Variants in TMTC3 observed in about 807,000 individuals in gnomAD.
TMTC3 encodes the protein transmembrane O-mannosyltransferase targeting cadherins 3, also known as protein O-mannosyl-transferase TMTC3.
Under a neutral mutation model 92.2 loss-of-function variants are expected in TMTC3, and 52 were observed. The ratio of observed to expected loss-of-function variants is 0.56; its 90% CI spans 0.45 to 0.71. TMTC3 has a LOEUF of 0.71. Among genes scored for constraint, TMTC3 ranks in the 30% least tolerant of loss-of-function variants. TMTC3 has a pLI of 0.00. For missense variants in TMTC3, 896 were observed against 1,057.1 expected (o/e 0.85, Z 2.11); for synonymous variants, 339 against 363.3 (o/e 0.93, Z 0.76).
At chr12:88,145,764 G>GCTC (rs1275350070) in intron 1 of TMTC3, among the ~76,000 whole-genome samples, 1 of 152,314 alleles carries the variant, frequency 6.6e-6, no homozygotes, top group Admixed American at 6.5e-5. Context: ...TCCTAAAGTA[G>GCTC]CTACCTGTGG....
intron 4 of TMTC3, among the ~76,000 whole-genome samples, 184 bp from the exon 5 acceptor site, chr12:88,159,930 T>G (rs1243033328): frequency 6.6e-6 from 1 of 152,116 alleles, no homozygotes; most frequent in East Asian, 1.9e-4. Context: ...ATTATACATG[T>G]TGATATTTTG....
chr12:88,152,656 C>G (rs1401144734), intron 2 of TMTC3, among the ~76,000 whole-genome samples: 1 of 152,136 alleles, frequency 6.6e-6, no homozygotes, highest in Admixed American at 6.5e-5. Context: ...CAGTACTTTA[C>G]ATGAAATTTT....
chr12:88,163,866 C>T (rs1224279010), intron 6 of TMTC3, among the ~76,000 whole-genome samples: 1 of 152,100 alleles, frequency 6.6e-6, no homozygotes, highest in Non-Finnish European at 1.5e-5. Flanking sequence ...ACTACACCGA[C>T]CATGGGTATT....
intron 1 of TMTC3, 44 bp from the exon 2 acceptor site, chr12:88,148,244 G>T: frequency 7.6e-7 from 1 of 1,310,528 alleles, no homozygotes; most frequent in East Asian, 2.3e-5. Flanking sequence ...AACTTACTTG[G>T]AATAAATATG....
rs560324132 is a variant in TMTC3 at position 88,160,211 on chromosome 12, A to G, written c.606A>G (p.Glu202=). 2.5e-5 allele frequency: 39 copies of G among 1,567,300 alleles called. No individual in the cohort carries two copies. In the South Asian group the frequency reaches 4.4e-4, roughly 18 times the overall value. ...ITVVGICCVY[E]VFIAQGYTLP... Reference sequence around the variant, plus strand: ...TTGTAGGAATTTGCTGTGTGTATGAAGTGTTTATTGCCCAGGGGGTAAGCC... The same window carrying G: ...TTGTAGGAATTTGCTGTGTGTATGAGGTGTTTATTGCCCAGGGGGTAAGCC... Residue 202 remains glutamate, a synonymous_variant, in exon 5 of 14, where the codon GAA becomes GAG. Transcript: ENST00000266712.
intron 6 of TMTC3, among the ~76,000 whole-genome samples, chr12:88,162,445 G>A (rs2041091153): frequency 1.3e-5 from 2 of 152,178 alleles, no homozygotes; most frequent in South Asian, 4.1e-4. Flanking sequence ...GTATATTTAA[G>A]TTTCTTGAAG....
At chr12:88,172,508 C>G (rs2138406595) in intron 7 of TMTC3, 89 bp from the exon 8 acceptor site, 1 of 676,176 alleles carries the variant, frequency 1.5e-6, no homozygotes, top group South Asian at 7.4e-5. Context: ...TATTTGGATT[C>G]AAGTATCAGA....
At position 88,195,602 on chromosome 12, in the gene TMTC3, G is replaced by A; in HGVS notation, c.2698G>A (p.Ala900Thr). The A allele has an allele frequency of 1.2e-6, 2 of 1,602,138 alleles. No homozygotes were observed. The highest frequency in any genetic ancestry group is 1.7e-6 in the Non-Finnish European group (2 of 1,176,984). Residue 900 changes from alanine (A) to threonine (T), a missense_variant, in exon 14 of 14, where the codon GCT (alanine) becomes ACT (threonine). Transcript: ENST00000266712. ...AGAAATTGAGAAGAAAAGAGTTGCT[G>A]CTTTAAAAAGACTAGAAGAGATTGA... ...IKEIEKKRVA[A>T]LKRLEEIERI...
rs1377974817 is a variant in TMTC3, at chr12:88,153,537, TTC to T, written c.408+30_408+31del. On this transcript the variant is annotated intron_variant, in intron 3 of 13. Transcript: ENST00000266712. ...AAGTAAAACTATGAACTGACTTTTT[TTC>T]TTTTTCCTTTTTTACAAATCCTGCA... The T allele has an allele frequency of 2.9e-6, 4 of 1,401,824 alleles. No homozygotes were observed. The East Asian group carries it at 9.2e-5, about 32-fold the overall frequency. 86.8% of individuals were successfully genotyped at this position (1,401,824 alleles called of 1,614,324 possible). A position where few individuals can be genotyped will look rare whatever the true frequency, so the allele number is the denominator to read the frequency against.
intron 2 of TMTC3, among the ~76,000 whole-genome samples, chr12:88,149,144 C>CCTAT (rs1189114301): frequency 2.0e-5 from 3 of 152,032 alleles, no homozygotes; most frequent in Admixed American, 1.3e-4. Flanking sequence ...GAATCTTTGT[C>CCTAT]CTATCTCTTA....
rs1451541016 is a variant in TMTC3, at chr12:88,192,791, C to G, written c.1894C>G (p.Leu632Val). 14 of 1,613,034 alleles carry G rather than the reference C, an allele frequency of 8.7e-6. No homozygotes were observed. Among genetic ancestry groups the G allele is most frequent in the Non-Finnish European group, 1.2e-5 (14 of 1,179,594 alleles). The change falls in exon 13 of 14, where the codon CTA (leucine) becomes GTA (valine). Residue 632 changes from leucine (L) to valine (V), a missense_variant. Transcript: ENST00000266712. ...RALELNPKHKLALFNSAIVMQ... is the reference protein window; with the variant it reads ...RALELNPKHKVALFNSAIVMQ... Reference sequence around the variant, plus strand: ...TCTGGAACTAAATCCAAAGCATAAACTAGCATTATTCAACTCTGCTATAGT... The same window carrying G: ...TCTGGAACTAAATCCAAAGCATAAAGTAGCATTATTCAACTCTGCTATAGT...
chr12:88,188,122 T>C (rs2041399571), intron 10 of TMTC3, among the ~76,000 whole-genome samples: 1 of 152,204 alleles, frequency 6.6e-6, no homozygotes, highest in Non-Finnish European at 1.5e-5. Flanking sequence ...AATTATCATT[T>C]AAAAGAGCTG....
intron 10 of TMTC3, among the ~76,000 whole-genome samples, chr12:88,188,329 T>G (rs1181968074): frequency 6.6e-6 from 1 of 152,108 alleles, no homozygotes; most frequent in Non-Finnish European, 1.5e-5. Context: ...ACTTGTAGAG[T>G]TGAGCTGTAC....
chr12:88,175,174 G>C (rs980854457), intron 9 of TMTC3, among the ~76,000 whole-genome samples: 1 of 149,458 alleles, frequency 6.7e-6, no homozygotes, highest in Admixed American at 6.6e-5. Flanking sequence ...AAAATGTACA[G>C]CGAAAAAAAA....
At position 88,170,731 on chromosome 12, in the gene TMTC3, T is replaced by C. The variant is rs529044702; in HGVS notation, c.1051-1866T>C. ...TGAAGCTAAAGGTTTAACTTGTTTA[T>C]TCAATTAAGTACTGTAAAACAAATC... On this transcript the variant is annotated intron_variant, in intron 7 of 13. Coordinates refer to ENST00000266712, the MANE Select transcript of TMTC3 (RefSeq NM_181783.4). 2.0e-5 allele frequency among the ~76,000 whole-genome samples: 3 copies of C among 152,348 alleles called. No individual in the cohort carries two copies. In the East Asian group the frequency reaches 5.8e-4, roughly 29 times the overall value.
At chr12:88,150,249 G>A (rs906749395) in intron 2 of TMTC3, among the ~76,000 whole-genome samples, 5 of 152,156 alleles carry the variant, frequency 3.3e-5, no homozygotes, top group African/African-American at 9.7e-5. Context: ...AGAGGAGTAC[G>A]GTGGGAGGTG....
chr12:88,194,843 G>A lies in TMTC3; in HGVS notation c.1939G>A (p.Val647Ile). The A allele has an allele frequency of 1.3e-6, 2 of 1,568,472 alleles. No individual in the cohort carries two copies. Among genetic ancestry groups the A allele is most frequent in the Non-Finnish European group, 8.6e-7 (1 of 1,161,138 alleles). ...SAIVMQESGE[V>I]KLRPEARKRL... is the part of the protein sequence containing the mutation. ...TCTTTAAAAAAACTTTCTAGGTGAG[G>A]TTAAACTCAGACCTGAAGCTAGAAA... The change falls in exon 14 of 14, where the codon GTT (valine) becomes ATT (isoleucine). Residue 647 changes from valine (V) to isoleucine (I), a missense_variant. By Grantham distance (29) the Val-to-Ile change is conservative (BLOSUM62 3). Transcript: ENST00000266712.
At chr12:88,177,275 A>G (rs990941611) in intron 10 of TMTC3, among the ~76,000 whole-genome samples, 8 of 151,900 alleles carry the variant, frequency 5.3e-5, no homozygotes, top group Non-Finnish European at 1.0e-4. Flanking sequence ...GCAGTGAGCC[A>G]AGATCGCACC....
At position 88,192,651 on chromosome 12, in the gene TMTC3, C is replaced by T. The variant is rs762379684; in HGVS notation, c.1754C>T (p.Ala585Val). The T allele has an allele frequency of 6.2e-7, 1 of 1,612,070 alleles. No homozygotes were observed. The highest frequency in any genetic ancestry group is 8.5e-7 in the Non-Finnish European group (1 of 1,178,578). ...KMNKPLKAKE[A>V]YLKALELDRN... ...AATAAACCTCTTAAAGCAAAGGAAG[C>T]ATATCTTAAAGCACTAGAGCTGGAC... The change falls in exon 13 of 14, where the codon GCA becomes GTA. Residue 585 changes from alanine (A) to valine (V), a missense_variant. By Grantham distance (64) the Ala-to-Val change is moderately conservative. Transcript: ENST00000266712.
Sources: allele counts gnomAD v4.1 joint callset (sites outside exome capture counted in the v4.1 genomes callset), GRCh38; gene constraint gnomAD v4.1.1; transcripts MANE v1.5; gene names NCBI Gene and HGNC (gene_info 2026-07-23, HGNC 2026-07-21).